Variants in IL34 observed in about 807,000 individuals in gnomAD.
IL34 encodes the protein interleukin 34.
In IL34, 17 loss-of-function variants were observed where a neutral mutation model predicts 25.3. The ratio of observed to expected loss-of-function variants is 0.67; its 90% CI spans 0.46 to 1.01. The LOEUF (loss-of-function observed/expected upper bound fraction) is 1.01, where lower values mean the gene tolerates loss of function less well. IL34 is among the 50% of genes least tolerant of loss of function. The probability of loss-of-function intolerance (pLI) is 0.00; values close to 1 mark genes in which losing one functional copy is unlikely to be tolerated. For synonymous variants in IL34, 174 were observed against 140.9 expected, an observed-to-expected ratio of 1.23 and a Z score of -1.66; for missense variants, 368 against 312.9, an observed-to-expected ratio of 1.18 and a Z score of -1.33.
intron 1 of IL34, among the ~76,000 whole-genome samples, chr16:70,604,709 G>A (rs1240953695): frequency 2.0e-5 from 3 of 152,250 alleles, no homozygotes; most frequent in Non-Finnish European, 4.4e-5. Flanking sequence ...GAGACAGAAA[G>A]GAGTTAGGCA....
In IL34 at chr16:70,633,255, A is replaced by AT. The variant is rs576875832; in HGVS notation, c.-400-13282dup. Among the ~76,000 whole-genome samples, 976 of 145,348 alleles carry AT rather than the reference A, an allele frequency of 6.7e-3. 10 individuals are homozygous for AT. Among genetic ancestry groups the AT allele is most frequent in the Middle Eastern group, 0.019 (5 of 270 alleles). ...GCTGGGATTACAAGTGCCCAGACTG[A>AT]TTTTTTTTTTTCTTTTAAGACAGGG... On this transcript the variant is annotated intron_variant, in intron 1 of 6. Transcript: ENST00000429149.
chr16:70,582,751 T>C (rs1251194371), intron 1 of IL34, among the ~76,000 whole-genome samples: 4 of 152,222 alleles, frequency 2.6e-5, no homozygotes, highest in Admixed American at 2.6e-4. Flanking sequence ...GCCCTGGTGC[T>C]GGGAAGCAGG....
intron 1 of IL34, among the ~76,000 whole-genome samples, chr16:70,639,998 G>A (rs896102174): frequency 2.6e-5 from 4 of 151,976 alleles, no homozygotes; most frequent in Non-Finnish European, 4.4e-5. Flanking sequence ...GTGGACCATG[G>A]ATCTGCAATC....
chr16:70,591,293 C>G (rs1228628446), intron 1 of IL34, among the ~76,000 whole-genome samples: 1 of 152,166 alleles, frequency 6.6e-6, no homozygotes, highest in Non-Finnish European at 1.5e-5. Context: ...GCCATAAATA[C>G]CATTCCTGAT....
chr16:70,657,230 A>G (rs2052254814), intron 4 of IL34, 109 bp downstream of exon 4: 1 of 1,150,522 alleles, frequency 8.7e-7, no homozygotes, highest in South Asian at 1.5e-5. Flanking sequence ...ATACACGGAA[A>G]GATGGGCACA....
Position 70,623,882 on chromosome 16 carries a change from C to T in IL34, c.-400-22666C>T, listed in dbSNP as rs528805581. On this transcript the variant is annotated intron_variant, in intron 1 of 6. Coordinates refer to the IL34 transcript ENST00000429149. ...GTTTAGAAGCCTGGCCGTCAATACTCACAACAGTTATGGAGGCAAGGGAAA... is the reference window on the plus strand; with the variant it reads ...GTTTAGAAGCCTGGCCGTCAATACTTACAACAGTTATGGAGGCAAGGGAAA... 7.9e-3 allele frequency among the ~76,000 whole-genome samples: 1,186 copies of T among 150,852 alleles called. 20 individuals carry two copies. Among genetic ancestry groups the T allele is most frequent in the African/African-American group, 0.027 (1,121 of 40,858 alleles).
At chr16:70,655,967 A>G (rs999653359) in intron 2 of IL34, among the ~76,000 whole-genome samples, 1 of 152,236 alleles carries the variant, frequency 6.6e-6, no homozygotes, top group Non-Finnish European at 1.5e-5. Flanking sequence ...CACAACTCAA[A>G]GAGTTTTTAG....
At chr16:70,649,956 G>A (rs550938564) in intron 1 of IL34, among the ~76,000 whole-genome samples, 7 of 152,122 alleles carry the variant, frequency 4.6e-5, no homozygotes, top group South Asian at 4.2e-4. Flanking sequence ...CTGCCACTGC[G>A]CCTGGCTAAT....
chr16:70,610,931 C>G (rs1258041396), intron 1 of IL34, among the ~76,000 whole-genome samples: 1 of 151,848 alleles, frequency 6.6e-6, no homozygotes, highest in Admixed American at 6.6e-5. Flanking sequence ...GTTCTTTCCC[C>G]CCCTTCCATC....
At chr16:70,646,435 G>A (rs2051930750), upstream of IL34, 1 of 154,978 alleles carries the variant, frequency 6.5e-6, no homozygotes, top group Non-Finnish European at 1.4e-5. Flanking sequence ...GTGTCCAGCT[G>A]CCAGGGCCGG....
intron 1 of IL34, among the ~76,000 whole-genome samples, chr16:70,634,778 A>G (rs1396328869): frequency 2.0e-5 from 3 of 152,042 alleles, no homozygotes; most frequent in African/African-American, 7.2e-5. Flanking sequence ...TCTGATACCT[A>G]TCACCATAGA....
upstream of IL34, among the ~76,000 whole-genome samples, chr16:70,644,787 A>G (rs1436804221): frequency 3.2e-5 from 4 of 123,582 alleles, no homozygotes; most frequent in African/African-American, 6.7e-5. Flanking sequence ...GAGGGAGGAA[A>G]AGGAGGAGGG....
At chr16:70,580,691 G>C (rs1424139782) in intron 1 of IL34, among the ~76,000 whole-genome samples, 1 of 150,618 alleles carries the variant, frequency 6.6e-6, no homozygotes, top group Non-Finnish European at 1.5e-5. Context: ...TGAGGCAGGA[G>C]ACACACTTGA....
Position 70,646,777 on chromosome 16 carries a change from C to T in IL34, c.-171C>T. ...GCCGGGCAGATAAGGGCAGCTGCTG[C>T]CCTTGGGGCACCTGCTCACTCCCGC... is the stretch of plus-strand genomic sequence containing the variant. On this transcript the variant is annotated 5_prime_UTR_variant, in exon 1 of 6. Coordinates refer to ENST00000288098, the MANE Select transcript of IL34 (RefSeq NM_001393494.1). 1.7e-6 allele frequency: 1 copy of T among 581,148 alleles called. No homozygotes were observed. Among genetic ancestry groups the T allele is most frequent in the East Asian group, 3.5e-5 (1 of 28,882 alleles). The allele number at this position is 581,148 out of a possible 1,614,324, so 36.0% of individuals were successfully genotyped here. A position where few individuals can be genotyped will look rare whatever the true frequency, so the allele number is the denominator to read the frequency against.
intron 1 of IL34, among the ~76,000 whole-genome samples, chr16:70,649,800 T>A (rs1330979910): frequency 6.6e-6 from 1 of 151,572 alleles, no homozygotes; most frequent in Non-Finnish European, 1.5e-5. Context: ...ATTATTTTAT[T>A]TTTATTTTTA....
At chr16:70,624,450 A>G (rs1300198471) in intron 1 of IL34, among the ~76,000 whole-genome samples, 2 of 152,136 alleles carry the variant, frequency 1.3e-5, no homozygotes, top group Admixed American at 6.5e-5. Flanking sequence ...CAATTTTTGG[A>G]ATTTTATTTA....
chr16:70,604,368 G>A (rs770432596), intron 1 of IL34, among the ~76,000 whole-genome samples: 2 of 152,170 alleles, frequency 1.3e-5, no homozygotes, highest in Admixed American at 6.5e-5. Flanking sequence ...TGGCCCCATC[G>A]AATTTGAGGA....
At chr16:70,649,014 C>G (rs2052013087) in intron 1 of IL34, among the ~76,000 whole-genome samples, 1 of 152,120 alleles carries the variant, frequency 6.6e-6, no homozygotes, top group African/African-American at 2.4e-5. Flanking sequence ...GGACACTAGT[C>G]ACTGGATTTA....
chr16:70,615,196 G>T (rs895728273), intron 1 of IL34, among the ~76,000 whole-genome samples: 1 of 152,114 alleles, frequency 6.6e-6, no homozygotes, highest in Non-Finnish European at 1.5e-5. Flanking sequence ...ACTTATTTGG[G>T]TTAACAAACA....
Sources: allele counts gnomAD v4.1 joint callset (sites outside exome capture counted in the v4.1 genomes callset), GRCh38; gene constraint gnomAD v4.1.1; transcripts MANE v1.5; gene names NCBI Gene and HGNC (gene_info 2026-07-23, HGNC 2026-07-21).